Variants in CDH11 observed in about 807,000 individuals in gnomAD.
CDH11 encodes the protein cadherin 11, also known as cadherin-11.
CDH11 carries 11 observed loss-of-function variants against 67.8 expected under a neutral mutation model. The observed-to-expected ratio is 0.16, with a 90% CI of 0.10 to 0.27. The LOEUF is 0.27. CDH11 is among the 10% of genes least tolerant of loss of function. The probability of loss-of-function intolerance (pLI) is 1.00; values close to 1 mark genes in which losing one functional copy is unlikely to be tolerated. For synonymous variants in CDH11, 419 were observed against 400.0 expected, an observed-to-expected ratio of 1.05 and a Z score of -0.57; for missense variants, 847 against 1,031.2, an observed-to-expected ratio of 0.82 and a Z score of 2.45.
In CDH11 at chr16:64,948,028, C is replaced by A. The variant is rs751145538; in HGVS notation, c.1966G>T (p.Val656Phe). Residue 656 changes from valine to phenylalanine, a missense_variant, in exon 13 of 13, where the codon GTC becomes TTC. Val to Phe is a conservative substitution (Grantham distance 50). Transcript: ENST00000268603. ...TCATAAGTAATGATGTTCTCACGGA[C>A]ATCTTCTTCCTCAAAGACAATGAGT... ...EPLIVFEEED[V>F]RENIITYDDE... The A allele has an allele frequency of 1.9e-6, 3 of 1,614,156 alleles. No individual in the cohort carries two copies. In the East Asian group the frequency reaches 6.7e-5, roughly 36 times the overall value.
At chr16:65,082,864 T>A (rs889289036) in intron 1 of CDH11, among the ~76,000 whole-genome samples, 3 of 152,184 alleles carry the variant, frequency 2.0e-5, no homozygotes, top group Non-Finnish European at 2.9e-5. Context: ...GTAGGACCAT[T>A]ACCTGTTTGA....
intron 8 of CDH11, among the ~76,000 whole-genome samples, chr16:64,979,675 A>G (rs1245455968): frequency 6.6e-6 from 1 of 152,222 alleles, no homozygotes; most frequent in Non-Finnish European, 1.5e-5. Flanking sequence ...CTCCTCAGAA[A>G]GTTAAACATA....
chr16:64,971,837 G>A (rs994299061), intron 10 of CDH11, 94 bp downstream of exon 10: 2 of 1,450,392 alleles, frequency 1.4e-6, no homozygotes, highest in Admixed American at 1.8e-5. Context: ...AAACCTTTTT[G>A]GGCAGTGGTT....
chr16:64,985,939 T>G (rs1374247131), intron 7 of CDH11: 1 of 151,886 alleles, frequency 6.6e-6, no homozygotes, highest in East Asian at 1.9e-4. Context: ...GTCAAGACTC[T>G]GCCTCTTCAA....
In CDH11 at chr16:65,044,018, G is replaced by A. The variant is rs532814276; in HGVS notation, c.-173+9786C>T. Among the ~76,000 whole-genome samples the A allele has an allele frequency of 1.1e-4, 16 of 152,268 alleles. No homozygotes were observed. In the East Asian group the frequency reaches 2.9e-3, roughly 28 times the overall value. ...ATAATGCACAAGGAAGGTCTCTGCA[G>A]TTTAAAGTGCTGTGCAGAAAAAGGG... On this transcript the variant is annotated intron_variant, in intron 2 of 12. Coordinates refer to ENST00000268603, the MANE Select transcript of CDH11 (RefSeq NM_001797.4).
chr16:65,120,517 T>A (rs893379846), intron 1 of CDH11, among the ~76,000 whole-genome samples: 8 of 152,170 alleles, frequency 5.3e-5, no homozygotes, highest in Admixed American at 1.3e-4. Flanking sequence ...GTAGCACGAT[T>A]TCTTTAGGGG....
At chr16:65,114,562 G>A (rs1597212422) in intron 1 of CDH11, among the ~76,000 whole-genome samples, 1 of 152,002 alleles carries the variant, frequency 6.6e-6, no homozygotes, top group African/African-American at 2.4e-5. Flanking sequence ...TAGAGCGTCC[G>A]GCACACAGTA....
chr16:64,952,449 G>A (rs1351441171), intron 11 of CDH11, among the ~76,000 whole-genome samples: 1 of 152,100 alleles, frequency 6.6e-6, no homozygotes, highest in East Asian at 1.9e-4. Flanking sequence ...ACTGTGTTCT[G>A]GGAAGGATTT....
chr16:65,082,710 T>G (rs2074631541), intron 1 of CDH11, among the ~76,000 whole-genome samples: 1 of 152,258 alleles, frequency 6.6e-6, no homozygotes, highest in African/African-American at 2.4e-5. Context: ...ATAGTGAATT[T>G]TGCCATCAGT....
chr16:65,040,273 C>T (rs542360398), intron 2 of CDH11, among the ~76,000 whole-genome samples: 2 of 152,274 alleles, frequency 1.3e-5, no homozygotes, highest in African/African-American at 2.4e-5. Context: ...TATTGTGGCA[C>T]TATTCACAAT....
At chr16:65,048,751 C>T (rs369748598) in intron 2 of CDH11, among the ~76,000 whole-genome samples, 1 of 151,842 alleles carries the variant, frequency 6.6e-6, no homozygotes, top group Non-Finnish European at 1.5e-5. Context: ...TACACACATA[C>T]ATTATCTCTA....
At chr16:65,100,511 G>A (rs917432410) in intron 1 of CDH11, among the ~76,000 whole-genome samples, 2 of 152,086 alleles carry the variant, frequency 1.3e-5, no homozygotes, top group African/African-American at 4.8e-5. Context: ...GGCCGAGGCA[G>A]GCAGATCACG....
At chr16:65,067,983 G>A (rs2074346687) in intron 1 of CDH11, among the ~76,000 whole-genome samples, 1 of 49,356 alleles carries the variant, frequency 2.0e-5, no homozygotes, top group African/African-American at 5.4e-5. Context: ...AGGAACCAAG[G>A]AAGGGAGGGA....
chr16:65,099,305 A>T (rs904012428), intron 1 of CDH11, among the ~76,000 whole-genome samples: 1 of 152,166 alleles, frequency 6.6e-6, no homozygotes, highest in African/African-American at 2.4e-5. Flanking sequence ...TCATCCACTC[A>T]TCTATTCATG....
chr16:65,105,711 GA>G (rs1480983370), intron 1 of CDH11, among the ~76,000 whole-genome samples: 1 of 152,160 alleles, frequency 6.6e-6, no homozygotes, highest in Non-Finnish European at 1.5e-5. Context: ...CCTGCAAGGT[GA>G]AAGCATGCTT....
intron 1 of CDH11, among the ~76,000 whole-genome samples, chr16:65,063,664 T>C (rs1488497285): frequency 6.6e-6 from 1 of 152,176 alleles, no homozygotes; most frequent in African/African-American, 2.4e-5. Context: ...TACAGAGATA[T>C]AAAGATATAT....
intron 2 of CDH11, among the ~76,000 whole-genome samples, chr16:65,021,876 G>GAAA (rs35700448): frequency 0.23 from 24,617 of 109,288 alleles, 2,977 homozygotes; most frequent in Non-Finnish European, 0.3. Flanking sequence ...AAGTAACTCA[G>GAAA]AAAAAAAAAA....
intron 1 of CDH11, among the ~76,000 whole-genome samples, chr16:65,084,128 T>C (rs781479574): frequency 2.0e-5 from 3 of 152,184 alleles, no homozygotes; most frequent in Non-Finnish European, 4.4e-5. Flanking sequence ...CCTTGTATTA[T>C]GAAATAAATT....
chr16:65,113,733 T>A (rs1287176787), intron 1 of CDH11, among the ~76,000 whole-genome samples: 1 of 152,152 alleles, frequency 6.6e-6, no homozygotes, highest in Non-Finnish European at 1.5e-5. Context: ...ATATGGTGAC[T>A]AAGCTTCAGC....
Sources: allele counts gnomAD v4.1 joint callset (sites outside exome capture counted in the v4.1 genomes callset), GRCh38; gene constraint gnomAD v4.1.1; transcripts MANE v1.5; gene names NCBI Gene and HGNC (gene_info 2026-07-23, HGNC 2026-07-21).